IGSF3: variants seen among roughly 807,000 people sequenced by gnomAD.
The protein encoded by IGSF3 is immunoglobulin superfamily member 3, also known as glu-Trp-Ile EWI motif-containing protein 3.
In IGSF3, 23 loss-of-function variants were observed where a neutral mutation model predicts 114.4. The ratio of observed to expected loss-of-function variants is 0.20; its 90% CI spans 0.14 to 0.28. The LOEUF is 0.28. Ranked by LOEUF, IGSF3 falls within the 10% of genes least tolerant of loss-of-function variation. The pLI, the probability that IGSF3 is intolerant of heterozygous loss-of-function variation, is 1.00. For synonymous variants in IGSF3, 571 were observed against 645.2 expected (o/e 0.88, Z 1.74); for missense variants, 1,172 against 1,591.5 (o/e 0.74, Z 4.48).
Position 116,634,032 on chromosome 1 carries a change from G to C in IGSF3, c.44-17575C>G, listed in dbSNP as rs549153400. ...GCTAATGTGTACAGTCAGCATCAAA[G>C]AGGTAACAATGGTAGAGAATATTTT... On this transcript the variant is annotated intron_variant, in intron 2 of 10. Transcript: ENST00000369486. This position sits in a 1 kb window ranked among gnomAD's most constrained non-coding sequence, Gnocchi z 4.2. 3.4e-4 allele frequency among the ~76,000 whole-genome samples: 52 copies of C among 152,342 alleles called. No individual in the cohort carries two copies. The highest frequency in any genetic ancestry group is 6.5e-4 in the Admixed American group (10 of 15,306).
rs1367848427 is a variant in IGSF3 at position 116,615,552 on chromosome 1, C to T, written c.421+528G>A. ...TCCTGCATCCCTCTTCCTCATGTTT[C>T]CTTCAGCATTAAGGAGCAACAAGGG... On this transcript the variant is annotated intron_variant, in intron 3 of 10. Transcript: ENST00000369486. This position sits in a 1 kb window ranked among gnomAD's most constrained non-coding sequence, Gnocchi z 4.3. 1.3e-5 allele frequency among the ~76,000 whole-genome samples: 2 copies of T among 152,304 alleles called. No individual in the cohort carries two copies. The highest frequency in any genetic ancestry group is 1.9e-4 in the East Asian group (1 of 5,184).
Position 116,600,455 on chromosome 1 carries a change from C to G in IGSF3, c.1625-110G>C. The G allele has an allele frequency of 1.2e-6, 1 of 848,656 alleles. No homozygotes were observed. Among genetic ancestry groups the G allele is most frequent in the Non-Finnish European group, 1.8e-6 (1 of 548,214 alleles). 52.6% of individuals were successfully genotyped at this position (848,656 alleles called of 1,614,324 possible). On this transcript the variant is annotated intron_variant, in intron 6 of 10. Coordinates refer to ENST00000369486, the MANE Select transcript of IGSF3 (RefSeq NM_001007237.3). The surrounding 1 kb of genome is among the most constrained non-coding windows in gnomAD (Gnocchi z 5.5). ...AAGCAAGCAGTGTGGGACAGAGGCT[C>G]TCGGAGCCCCTTTTGAGCTCTCAGG...
At chr1:116,635,461 C>T (rs1403164042) in intron 2 of IGSF3, among the ~76,000 whole-genome samples, 4 of 152,176 alleles carry the variant, frequency 2.6e-5, no homozygotes. Context: ...CTTCACCCAC[C>T]CTAACCTCTC....
intron 2 of IGSF3, chr1:116,617,451 GC>G (rs1557873861): frequency 1.4e-6 from 1 of 720,672 alleles, no homozygotes; most frequent in African/African-American, 1.9e-5. Context: ...AGTTACAGGC[GC>G]AGCTTTGCCA....
chr1:116,592,081 T>C lies in IGSF3; in HGVS notation c.2030-2977A>G, dbSNP rs1660135640. Reference sequence around the variant, plus strand: ...TGTCAAGCATAAGTGGCAATCTTCCTGCTCAAAGTGCTGTTCTCGGACCAG... The same window carrying C: ...TGTCAAGCATAAGTGGCAATCTTCCCGCTCAAAGTGCTGTTCTCGGACCAG... On this transcript the variant is annotated intron_variant, in intron 7 of 10. Transcript: ENST00000369486. The surrounding 1 kb of genome is among the most constrained non-coding windows in gnomAD (Gnocchi z 4.5). Among the ~76,000 whole-genome samples the C allele has an allele frequency of 6.6e-6, 1 of 152,186 alleles. No individual in the cohort carries two copies. Among genetic ancestry groups the C allele is most frequent in the Non-Finnish European group, 1.5e-5 (1 of 68,030 alleles).
At chr1:116,601,479 T>C (rs1244219376) in intron 6 of IGSF3, among the ~76,000 whole-genome samples, 1 of 152,024 alleles carries the variant, frequency 6.6e-6, no homozygotes, top group Non-Finnish European at 1.5e-5. Flanking sequence ...TCTGTGAAGA[T>C]TAAATAAATC....
At chr1:116,608,595 G>A (rs189115973) in intron 4 of IGSF3, among the ~76,000 whole-genome samples, 101 of 152,330 alleles carry the variant, frequency 6.6e-4, no homozygotes, top group Non-Finnish European at 1.1e-3. Flanking sequence ...TAAGACCAAT[G>A]GGGCTCAGTC....
rs1660438144 is a variant in IGSF3 at position 116,598,572 on chromosome 1, C to T, written c.2029+1369G>A. Among the ~76,000 whole-genome samples, 1 of 152,178 alleles carries T rather than the reference C, an allele frequency of 6.6e-6. No individual in the cohort carries two copies. The highest frequency in any genetic ancestry group is 2.4e-5 in the African/African-American group (1 of 41,432). On this transcript the variant is annotated intron_variant, in intron 7 of 10. Coordinates refer to ENST00000369486, the MANE Select transcript of IGSF3 (RefSeq NM_001007237.3). The surrounding 1 kb of genome is among the most constrained non-coding windows in gnomAD (Gnocchi z 4.3). ...AAACCCAAAGGTTACCATTATTTAA[C>T]CTCACGTTGCTGAAAACGACACTGT...
chr1:116,655,815 T>C lies in IGSF3; in HGVS notation c.43+10469A>G, dbSNP rs1648822325. ...TAATTTCAAAATTATAGCAAAATAG[T>C]CAATAAAATACGAACGTGCTTAATT... is the stretch of plus-strand genomic sequence containing the variant. On this transcript the variant is annotated intron_variant, in intron 2 of 10. Coordinates refer to ENST00000369486, the MANE Select transcript of IGSF3 (RefSeq NM_001007237.3). The surrounding 1 kb of genome is among the most constrained non-coding windows in gnomAD (Gnocchi z 4.3). Among the ~76,000 whole-genome samples, 2 of 152,232 alleles carry C rather than the reference T, an allele frequency of 1.3e-5. No homozygotes were observed. The highest frequency in any genetic ancestry group is 4.1e-4 in the South Asian group (2 of 4,836).
intron 2 of IGSF3, among the ~76,000 whole-genome samples, chr1:116,620,277 G>C (rs1661372923): frequency 6.6e-6 from 1 of 152,218 alleles, no homozygotes; most frequent in Non-Finnish European, 1.5e-5. Context: ...GCTTAGAGTT[G>C]TGGAGTTTTC....
At position 116,596,698 on chromosome 1, in the gene IGSF3, T is replaced by C. The variant is rs1660360403; in HGVS notation, c.2029+3243A>G. Among the ~76,000 whole-genome samples the C allele has an allele frequency of 6.6e-6, 1 of 152,244 alleles. No individual in the cohort carries two copies. Among genetic ancestry groups the C allele is most frequent in the South Asian group, 2.1e-4 (1 of 4,818 alleles). On this transcript the variant is annotated intron_variant, in intron 7 of 10. Transcript: ENST00000369486. The surrounding 1 kb of genome is among the most constrained non-coding windows in gnomAD (Gnocchi z 4.1). ...AGAAGAAAAACACTTGTCTAGAACA[T>C]ATAATAATAAAATTAGGAACTTGGA...
In IGSF3 at chr1:116,592,174, GC is replaced by G. The variant is rs1169572551; in HGVS notation, c.2030-3071del. 6.6e-6 allele frequency among the ~76,000 whole-genome samples: 1 copy of G among 152,296 alleles called. No individual in the cohort carries two copies. The highest frequency in any genetic ancestry group is 2.1e-4 in the South Asian group (1 of 4,826). ...CCCCAGACCCAGTAAGTCAGAATCT[GC>G]ACTTTAACAAGATCCCCAGGTGATT... is the stretch of plus-strand genomic sequence containing the variant. On this transcript the variant is annotated intron_variant, in intron 7 of 10. Transcript: ENST00000369486. This position sits in a 1 kb window ranked among gnomAD's most constrained non-coding sequence, Gnocchi z 4.5.
chr1:116,611,513 T>C (rs959605909), intron 4 of IGSF3, among the ~76,000 whole-genome samples: 7 of 152,072 alleles, frequency 4.6e-5, no homozygotes, highest in Middle Eastern at 3.2e-3. Flanking sequence ...CGGCTCTATA[T>C]CACTGCATTT....
intron 4 of IGSF3, among the ~76,000 whole-genome samples, chr1:116,611,876 A>C (rs1457117710): frequency 6.6e-6 from 1 of 152,030 alleles, no homozygotes; most frequent in African/African-American, 2.4e-5. Flanking sequence ...AGTGCTAGTC[A>C]TCTTTGAAGC....
rs1649287873 is a variant in IGSF3 at position 116,665,362 on chromosome 1, A to T, written c.43+922T>A. On this transcript the variant is annotated intron_variant, in intron 2 of 10. Transcript: ENST00000369486. This position sits in a 1 kb window ranked among gnomAD's most constrained non-coding sequence, Gnocchi z 4.0. ...TTCTGAATGCAGAGGACCGAGCCTT[A>T]CAGAGAGGGCAGGGGGTGTGCTCAT... is the stretch of plus-strand genomic sequence containing the variant. Among the ~76,000 whole-genome samples, 1 of 152,162 alleles carries T rather than the reference A, an allele frequency of 6.6e-6. No individual in the cohort carries two copies. The highest frequency in any genetic ancestry group is 2.4e-5 in the African/African-American group (1 of 41,432).
chr1:116,606,400 C>T, intron 5 of IGSF3: 1 of 1,580,726 alleles, frequency 6.3e-7, no homozygotes, highest in Non-Finnish European at 8.6e-7. Flanking sequence ...TATGCAGAAG[C>T]ACTTTGGTCT....
rs1204637945 is a variant in IGSF3 at position 116,592,523 on chromosome 1, G to A, written c.2030-3419C>T. On this transcript the variant is annotated intron_variant, in intron 7 of 10. Coordinates refer to ENST00000369486, the MANE Select transcript of IGSF3 (RefSeq NM_001007237.3). This position sits in a 1 kb window ranked among gnomAD's most constrained non-coding sequence, Gnocchi z 4.5. ...AAGATCTGTGTTTTGTATGGTAGGAGAGGCTGTTGTGTTTGTTACAGGCCA... is the reference window on the plus strand; with the variant it reads ...AAGATCTGTGTTTTGTATGGTAGGAAAGGCTGTTGTGTTTGTTACAGGCCA... Among the ~76,000 whole-genome samples the A allele has an allele frequency of 6.6e-6, 1 of 152,184 alleles. No individual in the cohort carries two copies. The highest frequency in any genetic ancestry group is 2.4e-5 in the African/African-American group (1 of 41,430).
At position 116,593,820 on chromosome 1, in the gene IGSF3, G is replaced by A. The variant is rs1423069703; in HGVS notation, c.2030-4716C>T. 2.6e-5 allele frequency among the ~76,000 whole-genome samples: 4 copies of A among 152,204 alleles called. No individual in the cohort carries two copies. The East Asian group carries it at 7.7e-4, about 29-fold the overall frequency. ...TTCTCAATAAGGCAGCTAATTGCAA[G>A]CAGGTCTCTGGTTGCCATATTGATT... On this transcript the variant is annotated intron_variant, in intron 7 of 10. Coordinates refer to ENST00000369486, the MANE Select transcript of IGSF3 (RefSeq NM_001007237.3). The surrounding 1 kb of genome is among the most constrained non-coding windows in gnomAD (Gnocchi z 4.5).
chr1:116,598,669 T>G lies in IGSF3; in HGVS notation c.2029+1272A>C, dbSNP rs1319134234. ...CTGTTAGTGGGCAGAAAAATCCCTT[T>G]GGCAAGGCGTTCCAGCCATCTTTGC... On this transcript the variant is annotated intron_variant, in intron 7 of 10. Transcript: ENST00000369486. This position sits in a 1 kb window ranked among gnomAD's most constrained non-coding sequence, Gnocchi z 4.3. 1.3e-5 allele frequency among the ~76,000 whole-genome samples: 2 copies of G among 152,202 alleles called. No individual in the cohort carries two copies. The highest frequency in any genetic ancestry group is 2.9e-5 in the Non-Finnish European group (2 of 68,022).
Sources: gnomAD v4.1 joint callset for allele counts (sites outside exome capture counted in the v4.1 genomes callset) on GRCh38, gnomAD v4.1.1 for gene constraint, Gnocchi (gnomAD v3.1) non-coding constraint, MANE v1.5 for transcripts, NCBI Gene and HGNC (gene_info 2026-07-23, HGNC 2026-07-21) for gene names.